The following CADPS variants were observed in gnomAD, a reference collection of about 807,000 sequenced individuals.
The protein encoded by CADPS is calcium-dependent secretion activator 1.
CADPS carries 57 observed loss-of-function variants against 167.3 expected under a neutral mutation model. The ratio of observed to expected loss-of-function variants is 0.34; its 90% CI spans 0.28 to 0.42. The LOEUF (loss-of-function observed/expected upper bound fraction) is 0.42. Among genes scored for constraint, CADPS ranks in the 20% least tolerant of loss-of-function variants. The pLI is 1.00. For synonymous variants in CADPS, 676 were observed against 635.3 expected, an observed-to-expected ratio of 1.06 and a Z score of -0.96; for missense variants, 1,414 against 1,738.1, an observed-to-expected ratio of 0.81 and a Z score of 3.32.
intron 3 of CADPS, among the ~76,000 whole-genome samples, chr3:62,721,230 C>T (rs2075770688): frequency 6.6e-6 from 1 of 151,234 alleles, no homozygotes; most frequent in Non-Finnish European, 1.5e-5. Flanking sequence ...ATCAGAGCGG[C>T]TGGGATCTCA....
At chr3:62,604,536 T>C (rs1208393137) in intron 6 of CADPS, among the ~76,000 whole-genome samples, 1 of 152,164 alleles carries the variant, frequency 6.6e-6, no homozygotes, top group Non-Finnish European at 1.5e-5. Flanking sequence ...AAATACAGAG[T>C]TGGGCAACAG....
At chr3:62,521,875 C>T (rs2070697119) in intron 13 of CADPS, among the ~76,000 whole-genome samples, 1 of 152,166 alleles carries the variant, frequency 6.6e-6, no homozygotes, top group African/African-American at 2.4e-5. Context: ...CAGCCCCTCC[C>T]TTTCACAGCC....
At chr3:62,577,035 G>C (rs1050968616) in intron 8 of CADPS, among the ~76,000 whole-genome samples, 1 of 151,876 alleles carries the variant, frequency 6.6e-6, no homozygotes, top group Non-Finnish European at 1.5e-5. Context: ...CAGAGTGAGC[G>C]AGCTACAAAG....
At chr3:62,468,178 A>G (rs1357936885) in intron 24 of CADPS, among the ~76,000 whole-genome samples, 1 of 152,188 alleles carries the variant, frequency 6.6e-6, no homozygotes, top group Non-Finnish European at 1.5e-5. Flanking sequence ...AAGATGTCAG[A>G]GCAAAAGAAT....
rs1278574123 is a variant in CADPS, at chr3:62,548,922, C to T, written c.1966+981G>A. On this transcript the variant is annotated intron_variant, in intron 11 of 29. Transcript: ENST00000383710. ...TCTGAAGCTCTCTTATTTATCTGTT[C>T]ACTTGTTTACTATCTAGGCTTCCCC... Among the ~76,000 whole-genome samples the T allele has an allele frequency of 2.6e-5, 4 of 152,180 alleles. No homozygotes were observed. In the East Asian group the frequency reaches 7.7e-4, roughly 29 times the overall value.
intron 1 of CADPS, among the ~76,000 whole-genome samples, chr3:62,781,289 C>T (rs1180738123): frequency 1.3e-5 from 2 of 152,108 alleles, no homozygotes; most frequent in African/African-American, 2.4e-5. Flanking sequence ...TGGCTGCTGC[C>T]AAATATAAGA....
chr3:62,690,714 T>C (rs547853924), intron 3 of CADPS, among the ~76,000 whole-genome samples: 84 of 151,880 alleles, frequency 5.5e-4, no homozygotes, highest in Non-Finnish European at 9.3e-4. Flanking sequence ...TGTATGAGTC[T>C]AACAGAGGGG....
intron 1 of CADPS, among the ~76,000 whole-genome samples, chr3:62,776,987 C>T (rs2090463610): frequency 6.6e-6 from 1 of 152,050 alleles, no homozygotes; most frequent in African/African-American, 2.4e-5. Context: ...ACCCTGCCGA[C>T]TCAAAAAACA....
intron 11 of CADPS, 119 bp from the exon 12 acceptor site, chr3:62,536,700 C>T: frequency 1.0e-6 from 1 of 962,032 alleles, no homozygotes; most frequent in Non-Finnish European, 1.6e-6. Flanking sequence ...TTCCCCGTTG[C>T]CTCCCACCAA....
At chr3:62,727,050 C>G (rs951451529) in intron 3 of CADPS, among the ~76,000 whole-genome samples, 4 of 151,958 alleles carry the variant, frequency 2.6e-5, no homozygotes, top group African/African-American at 9.7e-5. Context: ...CCTTGGAAAA[C>G]TTCTTGGCAC....
At chr3:62,853,579 C>T (rs1175256862) in intron 1 of CADPS, among the ~76,000 whole-genome samples, 4 of 147,710 alleles carry the variant, frequency 2.7e-5, no homozygotes, top group East Asian at 2.0e-4. Flanking sequence ...GAGCCCGCAT[C>T]GTGTCATTGC....
chr3:62,871,422 C>A (rs1480875791), intron 1 of CADPS, among the ~76,000 whole-genome samples: 2 of 152,072 alleles, frequency 1.3e-5, no homozygotes, highest in African/African-American at 4.8e-5. Context: ...AAAGGAGGAC[C>A]TCTCTCAATT....
chr3:62,795,872 G>C (rs960645791), intron 1 of CADPS, among the ~76,000 whole-genome samples: 2 of 152,184 alleles, frequency 1.3e-5, no homozygotes, highest in Admixed American at 6.6e-5. Flanking sequence ...GGAGGTAACA[G>C]AGTAGAGAAG....
chr3:62,495,574 C>T (rs970557320), intron 18 of CADPS, among the ~76,000 whole-genome samples: 10 of 152,150 alleles, frequency 6.6e-5, no homozygotes, highest in African/African-American at 9.7e-5. Context: ...CAGAGCTTTT[C>T]GTTATTCAAA....
At chr3:62,841,229 G>A (rs572384631) in intron 1 of CADPS, among the ~76,000 whole-genome samples, 14 of 152,294 alleles carry the variant, frequency 9.2e-5, no homozygotes, top group African/African-American at 3.4e-4. Context: ...GTAAGTAAGA[G>A]AAGAAAACTC....
At chr3:62,821,847 C>T (rs2094936132) in intron 1 of CADPS, among the ~76,000 whole-genome samples, 1 of 152,134 alleles carries the variant, frequency 6.6e-6, no homozygotes, top group Non-Finnish European at 1.5e-5. Flanking sequence ...ATCATAAGAC[C>T]TGGACTCTTA....
chr3:62,506,050 A>G (rs1294351728), intron 17 of CADPS, among the ~76,000 whole-genome samples: 1 of 152,298 alleles, frequency 6.6e-6, no homozygotes, highest in East Asian at 1.9e-4. Flanking sequence ...CATAACTTAA[A>G]CTTCCAAGCC....
chr3:62,475,887 A>C (rs1171673121), intron 23 of CADPS, among the ~76,000 whole-genome samples: 1 of 152,180 alleles, frequency 6.6e-6, no homozygotes, highest in Non-Finnish European at 1.5e-5. Context: ...GCTCCCTTCC[A>C]ATGAAGTAAT....
intron 1 of CADPS, among the ~76,000 whole-genome samples, chr3:62,871,610 A>G (rs935867030): frequency 4.6e-5 from 7 of 152,176 alleles, no homozygotes; most frequent in African/African-American, 1.4e-4. Context: ...CTTTAGGCAA[A>G]TAACAAAATT....
Sources: allele counts gnomAD v4.1 joint callset (sites outside exome capture counted in the v4.1 genomes callset), GRCh38; gene constraint gnomAD v4.1.1; transcripts MANE v1.5; gene names NCBI Gene and HGNC (gene_info 2026-07-23, HGNC 2026-07-21).